Variants in GNB1 observed in about 807,000 individuals in gnomAD.
GNB1 encodes the protein guanine nucleotide-binding protein G(I)/G(S)/G(T) subunit beta-1.
GNB1 carries 2 observed loss-of-function variants against 42.9 expected under a neutral mutation model. That is an observed-to-expected ratio of 0.05 (90% CI 0.02 to 0.15). The LOEUF (loss-of-function observed/expected upper bound fraction) is 0.15. Ranked by LOEUF, GNB1 falls within the 10% of genes least tolerant of loss-of-function variation. The probability of loss-of-function intolerance (pLI) is 1.00; values close to 1 mark genes in which losing one functional copy is unlikely to be tolerated. For missense variants in GNB1, 193 were observed against 462.2 expected (o/e 0.42, Z 5.34); for synonymous variants, 183 against 174.7 (o/e 1.05, Z -0.38).
At chr1:1,829,791 T>C (rs1454098425) in intron 2 of GNB1, among the ~76,000 whole-genome samples, 2 of 151,946 alleles carry the variant, frequency 1.3e-5, no homozygotes, top group African/African-American at 4.8e-5. Flanking sequence ...GAGACTAGAG[T>C]GCAGTGGCAC....
At chr1:1,880,984 G>A (rs1333554790) in intron 1 of GNB1, among the ~76,000 whole-genome samples, 1 of 150,850 alleles carries the variant, frequency 6.6e-6, no homozygotes, top group Non-Finnish European at 1.5e-5. Flanking sequence ...CGGAGGAAGG[G>A]ATACATGACA....
At chr1:1,866,334 T>C (rs1269040073) in intron 1 of GNB1, among the ~76,000 whole-genome samples, 1 of 152,244 alleles carries the variant, frequency 6.6e-6, no homozygotes, top group Non-Finnish European at 1.5e-5. Context: ...TTGATACATA[T>C]GTGCATAATT....
chr1:1,822,074 ATGAC>A (rs981770374), intron 3 of GNB1, among the ~76,000 whole-genome samples: 1 of 152,182 alleles, frequency 6.6e-6, no homozygotes, highest in Non-Finnish European at 1.5e-5. Context: ...TCCAGCTTGA[ATGAC>A]TGACAGAGAC....
intron 1 of GNB1, among the ~76,000 whole-genome samples, chr1:1,864,095 G>C (rs1371176256): frequency 6.6e-6 from 1 of 151,942 alleles, no homozygotes; most frequent in Non-Finnish European, 1.5e-5. Context: ...GGCTGAGGCA[G>C]GTGGATCACG....
intron 1 of GNB1, among the ~76,000 whole-genome samples, chr1:1,846,169 G>A (rs1232721907): frequency 1.3e-5 from 2 of 151,420 alleles, no homozygotes; most frequent in Non-Finnish European, 2.9e-5. Context: ...ATACCTTACT[G>A]GATCTAAAAA....
At chr1:1,870,172 T>C (rs1161733409) in intron 1 of GNB1, among the ~76,000 whole-genome samples, 7 of 152,074 alleles carry the variant, frequency 4.6e-5, no homozygotes. Context: ...AAAGACAATC[T>C]TATGTTTTTG....
At chr1:1,848,558 G>C (rs1647806899) in intron 1 of GNB1, among the ~76,000 whole-genome samples, 1 of 151,852 alleles carries the variant, frequency 6.6e-6, no homozygotes, top group Non-Finnish European at 1.5e-5. Context: ...ACCTTTATGA[G>C]GGATCCACTT....
chr1:1,812,407 TACACACAC>T lies in GNB1; in HGVS notation c.203+3341_203+3348del, dbSNP rs4012956. 5.0e-4 allele frequency among the ~76,000 whole-genome samples: 73 copies of T among 146,306 alleles called. 1 individual carries two copies. The highest frequency in any genetic ancestry group is 1.8e-3 in the African/African-American group (70 of 39,836). On this transcript the variant is annotated intron_variant, in intron 5 of 11. Coordinates refer to ENST00000378609, the MANE Select transcript of GNB1 (RefSeq NM_002074.5). ...ATGTATATATATACACACACATACA[TACACACAC>T]ACACACACACACACCCTCCCCCCAA...
intron 1 of GNB1, among the ~76,000 whole-genome samples, chr1:1,883,793 T>G (rs1192834384): frequency 6.6e-6 from 1 of 152,226 alleles, no homozygotes; most frequent in Non-Finnish European, 1.5e-5. Flanking sequence ...AATCAGCCAG[T>G]GAGGCAACAG....
Position 1,817,995 on chromosome 1 carries a change from A to C in GNB1, c.58-120T>G, listed in dbSNP as rs897307083. On this transcript the variant is annotated intron_variant, in intron 3 of 11. Coordinates refer to ENST00000378609, the MANE Select transcript of GNB1 (RefSeq NM_002074.5). ...CTGTCAGGAGCAAAAGCAGAATGTG[A>C]AAGAACGGCAGAGTCTCCTTGCATC... 6.7e-6 allele frequency: 5 copies of C among 743,530 alleles called. No homozygotes were observed. The Middle Eastern group carries it at 6.9e-4, about 103-fold the overall frequency. The allele number at this position is 743,530 out of a possible 1,614,324, so 46.1% of individuals were successfully genotyped here.
At chr1:1,801,156 C>G (rs1360635990) in intron 7 of GNB1, among the ~76,000 whole-genome samples, 1 of 152,186 alleles carries the variant, frequency 6.6e-6, no homozygotes. Context: ...GCCTCCTGAG[C>G]AGCTGGGACT....
At chr1:1,874,899 T>G (rs752613236) in intron 1 of GNB1, among the ~76,000 whole-genome samples, 4 of 152,084 alleles carry the variant, frequency 2.6e-5, no homozygotes, top group Non-Finnish European at 5.9e-5. Context: ...ACCGGTTTTG[T>G]GAAGGACAAT....
chr1:1,880,515 G>A (rs766044691), intron 1 of GNB1, among the ~76,000 whole-genome samples: 38 of 152,054 alleles, frequency 2.5e-4, no homozygotes, highest in Non-Finnish European at 2.4e-4. Flanking sequence ...GAACCCGGGA[G>A]GCGGAGCTGG....
At chr1:1,833,674 G>A (rs114595939) in intron 2 of GNB1, among the ~76,000 whole-genome samples, 1 of 152,194 alleles carries the variant, frequency 6.6e-6, no homozygotes, top group African/African-American at 2.4e-5. Context: ...CTGCGAACGG[G>A]TGAAGTGTGC....
At chr1:1,836,856 C>CTTT (rs35131919) in intron 2 of GNB1, among the ~76,000 whole-genome samples, 1 of 120,168 alleles carries the variant, frequency 8.3e-6, no homozygotes, top group South Asian at 2.7e-4. Context: ...CGACTGCTAA[C>CTTT]TTTTTTTTTT....
At chr1:1,817,193 A>T (rs2100879443) in intron 4 of GNB1, among the ~76,000 whole-genome samples, 1 of 152,322 alleles carries the variant, frequency 6.6e-6, no homozygotes, top group African/African-American at 2.4e-5. Context: ...ATAGAACTAA[A>T]CAATACATAG....
At position 1,827,172 on chromosome 1, in the gene GNB1, G is replaced by A. The variant is rs548908929; in HGVS notation, c.-46-1673C>T. On this transcript the variant is annotated intron_variant, in intron 2 of 11. Coordinates refer to ENST00000378609, the MANE Select transcript of GNB1 (RefSeq NM_002074.5). Reference sequence around the variant, plus strand: ...ATCCGATGACCTAAGAAGCTCAGCCGTCAGTTTCCAGTCTGAACTTTCCTA... The same window carrying A: ...ATCCGATGACCTAAGAAGCTCAGCCATCAGTTTCCAGTCTGAACTTTCCTA... 5.9e-5 allele frequency among the ~76,000 whole-genome samples: 9 copies of A among 152,274 alleles called. 1 individual carries two copies. The South Asian group carries it at 8.3e-4, about 14-fold the overall frequency.
chr1:1,796,962 A>C (rs923610792), intron 7 of GNB1, among the ~76,000 whole-genome samples: 2 of 152,206 alleles, frequency 1.3e-5, no homozygotes, highest in African/African-American at 4.8e-5. Flanking sequence ...TGGTGTCAGC[A>C]GAGGTGCCTC....
At chr1:1,789,414 C>T (rs977162027) in intron 9 of GNB1, 145 bp from the exon 10 acceptor site, 42 of 613,822 alleles carry the variant, frequency 6.8e-5, no homozygotes, top group Middle Eastern at 4.1e-4. Context: ...AGGGCTGGGC[C>T]GGGTGCGGTG....
Sources: allele counts gnomAD v4.1 joint callset (sites outside exome capture counted in the v4.1 genomes callset), GRCh38; gene constraint gnomAD v4.1.1; transcripts MANE v1.5; gene names NCBI Gene and HGNC (gene_info 2026-07-23, HGNC 2026-07-21).